PHF20: variants seen among roughly 807,000 people sequenced by gnomAD.
PHF20 encodes the protein PHD finger protein 20.
A neutral mutation model predicts 113.5 loss-of-function variants in PHF20; 23 were observed. The observed-to-expected ratio is 0.20, with a 90% CI of 0.15 to 0.29. PHF20 has a LOEUF of 0.29. Ranked by LOEUF, PHF20 falls within the 10% of genes least tolerant of loss-of-function variation. The pLI is 1.00. For synonymous variants in PHF20, 434 were observed against 457.3 expected, an observed-to-expected ratio of 0.95 and a Z score of 0.65; for missense variants, 943 against 1,219.6, an observed-to-expected ratio of 0.77 and a Z score of 3.38.
chr20:35,865,841 A>G lies in PHF20; in HGVS notation c.808+2441A>G, dbSNP rs555760955. ...TCTTATGTGATGAGTAAAAAATTCA[A>G]AATTGGCCAGGCGTGGTGGCTCAGG... On this transcript the variant is annotated intron_variant, in intron 6 of 17. Transcript: ENST00000374012. 8.5e-5 allele frequency among the ~76,000 whole-genome samples: 13 copies of G among 152,228 alleles called. No individual in the cohort carries two copies. The South Asian group carries it at 2.5e-3, about 29-fold the overall frequency.
At chr20:35,917,340 C>T in intron 12 of PHF20, 144 bp from the exon 13 acceptor site, 1 of 779,944 alleles carries the variant, frequency 1.3e-6, no homozygotes, top group Non-Finnish European at 2.3e-6. Flanking sequence ...GATCCAAGGA[C>T]AGATTGGCAT....
At chr20:35,822,917 C>T (rs2042195234) in intron 2 of PHF20, among the ~76,000 whole-genome samples, 2 of 151,716 alleles carry the variant, frequency 1.3e-5, no homozygotes, top group Non-Finnish European at 2.9e-5. Context: ...CCTCCAGCCT[C>T]CCCCACTTTC....
chr20:35,804,673 G>A (rs922092250), intron 2 of PHF20, among the ~76,000 whole-genome samples: 1 of 151,956 alleles, frequency 6.6e-6, no homozygotes, highest in African/African-American at 2.4e-5. Flanking sequence ...CTCCTGGCCC[G>A]TTTATTTATT....
intron 2 of PHF20, among the ~76,000 whole-genome samples, chr20:35,814,495 G>A (rs187140426): frequency 7.8e-4 from 118 of 151,664 alleles, no homozygotes; most frequent in African/African-American, 2.8e-3. Context: ...GGGATTACAG[G>A]CGTGAACCGC....
At chr20:35,890,837 G>A (rs533165247) in intron 9 of PHF20, among the ~76,000 whole-genome samples, 17 of 152,134 alleles carry the variant, frequency 1.1e-4, no homozygotes, top group Admixed American at 5.9e-4. Flanking sequence ...ACCCGAGATC[G>A]TTCCACTGCA....
chr20:35,820,943 C>T (rs966966534), intron 2 of PHF20, among the ~76,000 whole-genome samples: 4 of 151,748 alleles, frequency 2.6e-5, no homozygotes, highest in East Asian at 3.9e-4. Flanking sequence ...GAAGCCCTGG[C>T]GTAGGAGCAA....
chr20:35,799,662 G>C (rs1279729757), intron 1 of PHF20, among the ~76,000 whole-genome samples: 1 of 151,340 alleles, frequency 6.6e-6, no homozygotes, highest in Non-Finnish European at 1.5e-5. Context: ...ATCACAAGAA[G>C]TGTTCTTTTT....
chr20:35,865,504 T>TGG (rs2146978117), intron 6 of PHF20, among the ~76,000 whole-genome samples: 1 of 109,866 alleles, frequency 9.1e-6, no homozygotes, highest in African/African-American at 3.3e-5. Flanking sequence ...TGTGTTTTTT[T>TGG]TTTTTTTTTT....
At chr20:35,820,320 GGACA>G (rs2042145908) in intron 2 of PHF20, among the ~76,000 whole-genome samples, 2 of 152,096 alleles carry the variant, frequency 1.3e-5, no homozygotes, top group Non-Finnish European at 2.9e-5. Context: ...GTGGTGATTA[GGACA>G]GACATAGTCC....
At position 35,948,647 on chromosome 20, in the gene PHF20, G is replaced by A. The variant is rs2056127096; in HGVS notation, c.*1020G>A. 1.3e-5 allele frequency: 2 copies of A among 152,602 alleles called. No homozygotes were observed. Among genetic ancestry groups the A allele is most frequent in the African/African-American group, 4.8e-5 (2 of 41,426 alleles). 9.5% of individuals were successfully genotyped at this position (152,602 alleles called of 1,614,324 possible). ...ATTTCCTGTTTGTATTATTTTGTGA[G>A]AGCAAGGTGATCATGCTGCTTAAGG... On this transcript the variant is annotated 3_prime_UTR_variant, in exon 18 of 18. Transcript: ENST00000374012.
At chr20:35,909,090 C>T (rs1025675730) in intron 10 of PHF20, among the ~76,000 whole-genome samples, 3 of 151,970 alleles carry the variant, frequency 2.0e-5, no homozygotes, top group African/African-American at 7.2e-5. Context: ...AGAGAGGCAC[C>T]TTGCTTTGTT....
chr20:35,814,790 G>A (rs1200615505), intron 2 of PHF20, among the ~76,000 whole-genome samples: 3 of 140,864 alleles, frequency 2.1e-5, no homozygotes, highest in African/African-American at 7.8e-5. Context: ...GGAGAATGGC[G>A]TGAACCCGGG....
intron 1 of PHF20, among the ~76,000 whole-genome samples, chr20:35,792,639 C>A (rs2041580573): frequency 6.6e-6 from 1 of 152,102 alleles, no homozygotes; most frequent in Non-Finnish European, 1.5e-5. Flanking sequence ...AGAGGTCCTA[C>A]TTGAACCAAT....
At chr20:35,794,028 G>A (rs1465632772) in intron 1 of PHF20, among the ~76,000 whole-genome samples, 2 of 120,886 alleles carry the variant, frequency 1.7e-5, no homozygotes, top group East Asian at 2.4e-4. Context: ...GGCCAGGCGC[G>A]GTGGCTCACA....
chr20:35,834,227 TG>T (rs2042400829), intron 2 of PHF20, among the ~76,000 whole-genome samples: 1 of 148,858 alleles, frequency 6.7e-6, no homozygotes, highest in Non-Finnish European at 1.5e-5. Flanking sequence ...ATAGGCAGGC[TG>T]GTTCATTCTA....
At chr20:35,832,294 C>T (rs1276262800) in intron 2 of PHF20, among the ~76,000 whole-genome samples, 2 of 152,308 alleles carry the variant, frequency 1.3e-5, no homozygotes, top group Non-Finnish European at 1.5e-5. Context: ...CTGTATCTTA[C>T]TCTACCTTAA....
intron 3 of PHF20, among the ~76,000 whole-genome samples, chr20:35,844,403 GT>G (rs1350190525): frequency 4.1e-4 from 56 of 135,062 alleles, no homozygotes; most frequent in South Asian, 9.6e-4. Flanking sequence ...CGCCCAGCCG[GT>G]TTTTTTTTTT....
At chr20:35,885,363 T>C (rs2147023244) in intron 9 of PHF20, among the ~76,000 whole-genome samples, 1 of 151,376 alleles carries the variant, frequency 6.6e-6, no homozygotes, top group Admixed American at 6.6e-5. Flanking sequence ...CCAATCCAGA[T>C]ACACACGTTG....
intron 4 of PHF20, chr20:35,855,105 G>T (rs566810578): frequency 1.0e-3 from 206 of 204,204 alleles, no homozygotes; most frequent in Non-Finnish European, 1.7e-3. Context: ...TAATATTTAA[G>T]ATTTCAAGAT....
Sources: gnomAD v4.1 joint callset for allele counts (sites outside exome capture counted in the v4.1 genomes callset) on GRCh38, gnomAD v4.1.1 for gene constraint, MANE v1.5 for transcripts, NCBI Gene and HGNC (gene_info 2026-07-23, HGNC 2026-07-21) for gene names.